The following NAALADL1 variants were observed in gnomAD, a reference collection of about 807,000 sequenced individuals.
NAALADL1 encodes aminopeptidase NAALADL1.
NAALADL1 carries 77 observed loss-of-function variants against 82.8 expected under a neutral mutation model. The observed-to-expected ratio is 0.93, with a 90% confidence interval of 0.77 to 1.12. The LOEUF is 1.12. Among genes scored for constraint, NAALADL1 ranks in the 50% most tolerant of loss-of-function variants. NAALADL1 has a pLI of 0.00. For missense variants in NAALADL1, 956 were observed against 964.0 expected (o/e 0.99, Z 0.11); for synonymous variants, 358 against 399.2 (o/e 0.90, Z 1.23).
At chr11:65,056,928 G>C (rs1947055148) in intron 4 of NAALADL1, among the ~76,000 whole-genome samples, 1 of 152,098 alleles carries the variant, frequency 6.6e-6, no homozygotes, top group African/African-American at 2.4e-5. Context: ...TGTTGGCCAG[G>C]CTGGCCTTGA....
chr11:65,055,296 G>A (rs1386387660), intron 4 of NAALADL1, among the ~76,000 whole-genome samples: 1 of 152,118 alleles, frequency 6.6e-6, no homozygotes, highest in Non-Finnish European at 1.5e-5. Flanking sequence ...AATTAGCCAG[G>A]TGTGGTGGTA....
At chr11:65,055,070 C>G (rs1947002097) in intron 4 of NAALADL1, among the ~76,000 whole-genome samples, 1 of 152,228 alleles carries the variant, frequency 6.6e-6, no homozygotes, top group South Asian at 2.1e-4. Context: ...CCCAAGTGTC[C>G]ATCAACAGAT....
chr11:65,058,179 C>T lies in NAALADL1; in HGVS notation c.257G>A (p.Arg86His), dbSNP rs767967080. The T allele has an allele frequency of 1.2e-5, 20 of 1,613,856 alleles. No individual in the cohort carries two copies. Among genetic ancestry groups the T allele is most frequent in the Non-Finnish European group, 1.5e-5 (18 of 1,179,918 alleles). ...CAGGCCTGACTCTGGGTCCTTCCAGCGCTGCAGCAGCAGCTGCACCAGGTC... is the reference window on the plus strand; with the variant it reads ...CAGGCCTGACTCTGGGTCCTTCCAGTGCTGCAGCAGCAGCTGCACCAGGTC... ...DEDLVQLLLQRWKDPESGLDS... is the reference protein window; with the variant it reads ...DEDLVQLLLQHWKDPESGLDS... Residue 86 changes from arginine (R) to histidine (H), a missense_variant, in exon 2 of 18, where the codon CGC (arginine) becomes CAC (histidine). Arg to His is a conservative substitution (Grantham distance 29, BLOSUM62 0). Transcript: ENST00000358658.
rs141234721 is a variant in NAALADL1 at position 65,047,662 on chromosome 11, T to C, written c.1493A>G (p.Tyr498Cys). The change falls in exon 12 of 18, where the codon TAC becomes TGC. Residue 498 changes from tyrosine (Y) to cysteine (C), a missense_variant. Coordinates refer to ENST00000358658, the MANE Select transcript of NAALADL1 (RefSeq NM_005468.3). ...CTGGGCTTACCTGGGGACCAGGCCG[T>C]ACACCGGGCTGCTGCGGTTGAAGTA... ...IRYFNRSSPV[Y>C]GLVPSLGSLG... 1.9e-6 allele frequency: 3 copies of C among 1,605,952 alleles called. No individual in the cohort carries two copies. In the East Asian group the frequency reaches 6.7e-5, roughly 36 times the overall value.
At position 65,044,929 on chromosome 11, in the gene NAALADL1, C is replaced by A; in HGVS notation, c.*342G>T. The A allele has an allele frequency of 1.5e-6, 1 of 682,694 alleles. No individual in the cohort carries two copies. Among genetic ancestry groups the A allele is most frequent in the Non-Finnish European group, 2.4e-6 (1 of 415,344 alleles). The allele number at this position is 682,694 out of a possible 1,614,324, so 42.3% of individuals were successfully genotyped here. A position where few individuals can be genotyped will look rare whatever the true frequency, so the allele number is the denominator to read the frequency against. On this transcript the variant is annotated 3_prime_UTR_variant, in exon 18 of 18. Coordinates refer to ENST00000358658, the MANE Select transcript of NAALADL1 (RefSeq NM_005468.3). This position sits in a 1 kb window ranked among gnomAD's most constrained non-coding sequence, Gnocchi z 4.0. ...AGACTAGCCAAGGCCTAAGGTACCC[C>A]AAGACTCACTTTCGCCACTGGTCCT...
Position 65,048,483 on chromosome 11 carries a change from A to G in NAALADL1, c.1199-98T>C. On this transcript the variant is annotated intron_variant, in intron 8 of 17. Coordinates refer to ENST00000358658, the MANE Select transcript of NAALADL1 (RefSeq NM_005468.3). ...GACGTGAGGAGGGGAGAGCGGGAAA[A>G]GGCGGGGCAGCTGGTGACAGGATGT... 3.7e-6 allele frequency: 5 copies of G among 1,360,346 alleles called. No homozygotes were observed. In the East Asian group the frequency reaches 9.7e-5, roughly 26 times the overall value. The allele number at this position is 1,360,346 out of a possible 1,614,324, so 84.3% of individuals were successfully genotyped here.
Position 65,057,871 on chromosome 11 carries a change from C to T in NAALADL1, c.480+4G>A. 1 of 1,613,564 alleles carries T rather than the reference C, an allele frequency of 6.2e-7. No homozygotes were observed. Among genetic ancestry groups the T allele is most frequent in the African/African-American group, 1.3e-5 (1 of 74,996 alleles). Reference sequence around the variant, plus strand: ...CAGAGCAGTAGGGGGGGTTCTGGGCCCACCTGTGGGGTTCCAGAAGGAGCA... The same window carrying T: ...CAGAGCAGTAGGGGGGGTTCTGGGCTCACCTGTGGGGTTCCAGAAGGAGCA... On this transcript the variant is annotated splice_donor_region_variant and intron_variant, in intron 3 of 17. Transcript: ENST00000358658.
chr11:65,045,476 C>A lies in NAALADL1; in HGVS notation c.2037-19G>T. On this transcript the variant is annotated intron_variant, in intron 17 of 17. Coordinates refer to ENST00000358658, the MANE Select transcript of NAALADL1 (RefSeq NM_005468.3). The stretch of plus-strand genomic sequence containing the variant: ...CACATGGCTGACAAGAGAAATGGGA[C>A]AGGATCAGGGTCAGTCAGTCAGGGG... 6.3e-7 allele frequency: 1 copy of A among 1,589,572 alleles called. No homozygotes were observed.
chr11:65,056,548 C>A (rs965410431), intron 4 of NAALADL1, among the ~76,000 whole-genome samples: 1 of 151,898 alleles, frequency 6.6e-6, no homozygotes, highest in African/African-American at 2.4e-5. Flanking sequence ...TACAGGTGCA[C>A]GCTGCCACAC....
Position 65,047,721 on chromosome 11 carries a change from A to C in NAALADL1, c.1434T>G (p.Pro478=). The part of the protein sequence containing the change: ...SATKEIRSPG[P]GDLSIYDNWI... The stretch of plus-strand genomic sequence containing the variant: ...AGTTGTCGTAGATGCTCAGGTCGCC[A>C]GGGCCTGGTGAGCGGATCTGGCCGG... The change falls in exon 12 of 18, where the codon CCT becomes CCG. Residue 478 remains proline (P), a synonymous_variant. Transcript: ENST00000358658. The C allele has an allele frequency of 6.2e-7, 1 of 1,604,828 alleles. No individual in the cohort carries two copies. The highest frequency in any genetic ancestry group is 1.1e-5 in the South Asian group (1 of 88,790).
rs60069296 is a variant in NAALADL1, at chr11:65,056,712, C to CTTT, written c.603+656_603+658dup. On this transcript the variant is annotated intron_variant, in intron 4 of 17. Coordinates refer to ENST00000358658, the MANE Select transcript of NAALADL1 (RefSeq NM_005468.3). ...GTGAGCCACCACGCCCATGCCCAGC[C>CTTT]TTTTTTTTTTTTTTTTTTTTTTTAA... Among the ~76,000 whole-genome samples, 302 of 133,240 alleles carry CTTT rather than the reference C, an allele frequency of 2.3e-3. 1 individual carries two copies. The highest frequency in any genetic ancestry group is 8.2e-3 in the African/African-American group (291 of 35,334). 87.4% of individuals were successfully genotyped at this position (133,240 alleles called of 152,430 possible). A position where few individuals can be genotyped will look rare whatever the true frequency, so the allele number is the denominator to read the frequency against.
At chr11:65,051,147 G>C (rs567775120) in intron 8 of NAALADL1, among the ~76,000 whole-genome samples, 1 of 151,918 alleles carries the variant, frequency 6.6e-6, no homozygotes, top group African/African-American at 2.4e-5. Flanking sequence ...GGGAATTTCT[G>C]CGCTACCCAT....
At position 65,053,702 on chromosome 11, in the gene NAALADL1, C is replaced by G. The variant is rs1946956457; in HGVS notation, c.993-126G>C. On this transcript the variant is annotated intron_variant, in intron 6 of 17. Coordinates refer to ENST00000358658, the MANE Select transcript of NAALADL1 (RefSeq NM_005468.3). The surrounding 1 kb of genome is among the most constrained non-coding windows in gnomAD (Gnocchi z 4.3). ...AGGCCATTCATTGGCCCCGAAGTAC[C>G]AAGAGAGGCAGCAAGGCTGGAGCCA... is the stretch of plus-strand genomic sequence containing the variant. The G allele has an allele frequency of 1.2e-6, 1 of 806,370 alleles. No individual in the cohort carries two copies. The highest frequency in any genetic ancestry group is 1.7e-5 in the African/African-American group (1 of 57,416). The allele number at this position is 806,370 out of a possible 1,614,324, so 50.0% of individuals were successfully genotyped here. A position where few individuals can be genotyped will look rare whatever the true frequency, so the allele number is the denominator to read the frequency against.
intron 11 of NAALADL1, 30 bp from the exon 12 acceptor site, chr11:65,047,768 C>T (rs760346708): frequency 3.2e-6 from 5 of 1,565,688 alleles, no homozygotes; most frequent in South Asian, 2.3e-5. Context: ...AGTCTCGGTG[C>T]GCGGCCCTCC....
chr11:65,059,560 C>G (rs749013034), upstream of NAALADL1, among the ~76,000 whole-genome samples: 20 of 152,200 alleles, frequency 1.3e-4, no homozygotes, highest in Non-Finnish European at 2.4e-4. Context: ...AGGGGAAGCC[C>G]ATGCCTCCCT....
chr11:65,047,378 AAGG>A, intron 13 of NAALADL1, 94 bp downstream of exon 13: 1 of 1,017,502 alleles, frequency 9.8e-7, no homozygotes. Context: ...GCAATGAGTA[AAGG>A]TGCAGGGTTC....
Position 65,045,871 on chromosome 11 carries a change from C to T in NAALADL1, c.1987G>A (p.Glu663Lys). The T allele has an allele frequency of 6.2e-7, 1 of 1,614,122 alleles. No individual in the cohort carries two copies. The highest frequency in any genetic ancestry group is 8.5e-7 in the Non-Finnish European group (1 of 1,180,006). ...RMLNDQLMLLERTFLNPRAFP... is the reference protein window; with the variant it reads ...RMLNDQLMLLKRTFLNPRAFP... ...GCTCTAGGGTTCAGAAAGGTCCGTT[C>T]CAAGAGCATCAACTGGTCATTGAGC... The change falls in exon 17 of 18, where the codon GAA becomes AAA. Residue 663 changes from glutamate to lysine, a missense_variant. By Grantham distance (56) the Glu-to-Lys change is moderately conservative. Transcript: ENST00000358658.
intron 4 of NAALADL1, among the ~76,000 whole-genome samples, chr11:65,055,991 T>C (rs1433986629): frequency 6.6e-6 from 1 of 151,570 alleles, no homozygotes; most frequent in African/African-American, 2.4e-5. Context: ...GTTCAAGTGA[T>C]TCTGCTGCCT....
upstream of NAALADL1, chr11:65,058,628 G>T: frequency 9.0e-7 from 1 of 1,107,630 alleles, no homozygotes; most frequent in Non-Finnish European, 1.3e-6. Flanking sequence ...ACTGCCCTTT[G>T]ACCCCCAGCT....
Sources: gnomAD v4.1 joint callset for allele counts (sites outside exome capture counted in the v4.1 genomes callset) on GRCh38, gnomAD v4.1.1 for gene constraint, Gnocchi (gnomAD v3.1) non-coding constraint, MANE v1.5 for transcripts, NCBI Gene and HGNC (gene_info 2026-07-23, HGNC 2026-07-21) for gene names.